CD163L1: variants seen among roughly 807,000 people sequenced by gnomAD.
CD163L1 encodes the protein scavenger receptor cysteine-rich type 1 protein M160.
In CD163L1, 124 loss-of-function variants were observed where a neutral mutation model predicts 165.4. The observed-to-expected ratio is 0.75, with a 90% CI of 0.65 to 0.87. CD163L1 has a LOEUF of 0.87. Ranked by LOEUF, CD163L1 falls within the 40% of genes least tolerant of loss-of-function variation. The probability of loss-of-function intolerance (pLI) is 0.00; values close to 1 mark genes in which losing one functional copy is unlikely to be tolerated. For missense variants in CD163L1, 1,525 were observed against 1,799.9 expected (o/e 0.85, Z 2.76); for synonymous variants, 585 against 662.2 (o/e 0.88, Z 1.79).
At chr12:7,396,538 T>C in intron 7 of CD163L1, 123 bp from the exon 8 acceptor site, 1 of 932,454 alleles carries the variant, frequency 1.1e-6, no homozygotes, top group Admixed American at 2.9e-5. Context: ...GCTGTGAAGG[T>C]ATTTTTTCAG....
the CD163L1 span, among the ~76,000 whole-genome samples, chr12:7,331,563 C>T: frequency 8.5e-5 from 13 of 152,148 alleles, no homozygotes; most frequent in Admixed American, 2.0e-4. Flanking sequence ...CTCACACGTC[C>T]GGGTACTCCC....
rs1947089968 is a variant in CD163L1, at chr12:7,369,109, T to C, written c.4040-144A>G. On this transcript the variant is annotated intron_variant, in intron 15 of 19. Transcript: ENST00000313599. This position sits in a 1 kb window ranked among gnomAD's most constrained non-coding sequence, Gnocchi z 4.9. ...TACTGGATGTCATTTAAAATATCAGTCAGAATCCTCTTGCTTCAAAGTCTA... is the reference window on the plus strand; with the variant it reads ...TACTGGATGTCATTTAAAATATCAGCCAGAATCCTCTTGCTTCAAAGTCTA... 6 of 1,074,024 alleles carry C rather than the reference T, an allele frequency of 5.6e-6. No homozygotes were observed. Among genetic ancestry groups the C allele is most frequent in the Non-Finnish European group, 8.1e-6 (6 of 736,198 alleles). 66.5% of individuals were successfully genotyped at this position (1,074,024 alleles called of 1,614,324 possible).
At chr12:7,344,407 G>A (rs1946655960), downstream of CD163L1, among the ~76,000 whole-genome samples, 1 of 152,166 alleles carries the variant, frequency 6.6e-6, no homozygotes, top group South Asian at 2.1e-4. Flanking sequence ...AACCTTAAAT[G>A]TCCAAAATAA....
intron 4 of CD163L1, among the ~76,000 whole-genome samples, chr12:7,415,347 A>C (rs1358181316): frequency 1.3e-5 from 2 of 152,194 alleles, no homozygotes; most frequent in Non-Finnish European, 2.9e-5. Context: ...GAATCAAAGA[A>C]TACTACTACA....
At chr12:7,341,550 A>G in the CD163L1 span, among the ~76,000 whole-genome samples, 1 of 152,198 alleles carries the variant, frequency 6.6e-6, no homozygotes, top group East Asian at 1.9e-4. Context: ...GATGTACAGA[A>G]ATTTTTACAA....
chr12:7,421,013 G>GTAGATATATACATA (rs1948341723), intron 4 of CD163L1, among the ~76,000 whole-genome samples: 1 of 94,636 alleles, frequency 1.1e-5, no homozygotes. Context: ...ATATATACGT[G>GTAGATATATACATA]TATATATATA....
intron 4 of CD163L1, among the ~76,000 whole-genome samples, chr12:7,420,998 T>TATATATATACGTGTATATATATAC (rs1565808471): frequency 2.9e-4 from 37 of 125,458 alleles, no homozygotes; most frequent in African/African-American, 1.2e-3. Context: ...TATATATACA[T>TATATATATACGTGTATATATATAC]ATATATATAT....
chr12:7,374,932 G>A lies in CD163L1; in HGVS notation c.3002-9C>T. ...TGGCTGGGTCAGGCTTCCTGGTGGAGGGTGCAGGAAATGGGGCAAAAGTAA... is the reference window on the plus strand; with the variant it reads ...TGGCTGGGTCAGGCTTCCTGGTGGAAGGTGCAGGAAATGGGGCAAAAGTAA... On this transcript the variant is annotated splice_polypyrimidine_tract_variant and intron_variant, in intron 11 of 19. Coordinates refer to ENST00000313599, the MANE Select transcript of CD163L1 (RefSeq NM_174941.6). This position sits in a 1 kb window ranked among gnomAD's most constrained non-coding sequence, Gnocchi z 5.4. The A allele has an allele frequency of 1.2e-6, 2 of 1,613,928 alleles. No individual in the cohort carries two copies. Among genetic ancestry groups the A allele is most frequent in the Non-Finnish European group, 1.7e-6 (2 of 1,179,790 alleles).
intron 4 of CD163L1, among the ~76,000 whole-genome samples, chr12:7,419,365 AT>A (rs1948305133): frequency 6.6e-6 from 1 of 152,186 alleles, no homozygotes; most frequent in Admixed American, 6.6e-5. Context: ...ACTTAAGGTA[AT>A]AAAAGCCATC....
At chr12:7,327,159 AT>A in the CD163L1 span, 1 of 1,466,548 alleles carries the variant, frequency 6.8e-7, no homozygotes. Context: ...CTAGAATTAG[AT>A]TTTACTGGAT....
At chr12:7,323,350 G>A in the CD163L1 span, 2 of 1,599,824 alleles carry the variant, frequency 1.3e-6, no homozygotes, top group East Asian at 4.5e-5. Context: ...TTCAGTAAAG[G>A]AGAGAGAACG....
chr12:7,363,014 G>A (rs1263832181), intron 18 of CD163L1, among the ~76,000 whole-genome samples: 5 of 151,576 alleles, frequency 3.3e-5, no homozygotes, highest in Admixed American at 3.3e-4. Context: ...TGAAATATAT[G>A]GGATACAGCA....
the CD163L1 span, chr12:7,320,744 T>G: frequency 6.2e-7 from 1 of 1,613,730 alleles, no homozygotes; most frequent in South Asian, 1.1e-5. Context: ...ACTTATCCCA[T>G]CACGACCCTG....
At chr12:7,422,773 G>GTA (rs774200987) in intron 4 of CD163L1, among the ~76,000 whole-genome samples, 53 of 90,464 alleles carry the variant, frequency 5.9e-4, no homozygotes, top group Admixed American at 1.7e-3. Flanking sequence ...GTGTGTGTGT[G>GTA]TATATATATA....
the CD163L1 span, chr12:7,324,673 A>G: frequency 6.7e-6 from 10 of 1,483,984 alleles, no homozygotes; most frequent in Non-Finnish European, 8.4e-6. Context: ...GTAAAGGCTG[A>G]ACCAAGAGAG....
chr12:7,434,157 C>A (rs769339349), intron 2 of CD163L1, among the ~76,000 whole-genome samples: 1 of 152,248 alleles, frequency 6.6e-6, no homozygotes, highest in South Asian at 2.1e-4. Context: ...TCAATAAAAT[C>A]TACAGCATTA....
At chr12:7,436,100 G>A (rs928398669) in intron 2 of CD163L1, among the ~76,000 whole-genome samples, 2 of 152,072 alleles carry the variant, frequency 1.3e-5, no homozygotes, top group African/African-American at 4.8e-5. Flanking sequence ...CATTATCTCT[G>A]GTGGGGTTGG....
At chr12:7,416,431 C>T (rs1948242170) in intron 4 of CD163L1, among the ~76,000 whole-genome samples, 2 of 152,126 alleles carry the variant, frequency 1.3e-5, no homozygotes, top group Non-Finnish European at 2.9e-5. Flanking sequence ...AATTAGATCC[C>T]ATTTGTCAAT....
At chr12:7,376,894 T>A (rs949382005) in intron 9 of CD163L1, among the ~76,000 whole-genome samples, 4 of 152,132 alleles carry the variant, frequency 2.6e-5, no homozygotes, top group African/African-American at 9.7e-5. Context: ...GTTCATCTTT[T>A]AAAAAAATAA....
Sources: allele counts gnomAD v4.1 joint callset (sites outside exome capture counted in the v4.1 genomes callset), GRCh38; gene constraint gnomAD v4.1.1; non-coding constraint Gnocchi (gnomAD v3.1); transcripts MANE v1.5; gene names NCBI Gene and HGNC (gene_info 2026-07-23, HGNC 2026-07-21).